The following DHRS12 variants were observed in gnomAD, a reference collection of about 807,000 sequenced individuals.
DHRS12 encodes dehydrogenase/reductase SDR family member 12.
A neutral mutation model predicts 32.1 loss-of-function variants in DHRS12; 29 were observed. The ratio of observed to expected loss-of-function variants is 0.90; its 90% CI spans 0.67 to 1.23. The LOEUF is 1.23. Ranked by LOEUF, DHRS12 falls within the 50% of genes most tolerant of loss-of-function variation. The pLI is 0.00. For missense variants in DHRS12, 330 were observed against 337.2 expected (o/e 0.98, Z 0.17); for synonymous variants, 150 against 135.9 (o/e 1.10, Z -0.72).
chr13:51,800,609 G>C (rs145638297), intron 1 of DHRS12, among the ~76,000 whole-genome samples: 7 of 152,232 alleles, frequency 4.6e-5, no homozygotes, highest in African/African-American at 1.2e-4. Flanking sequence ...CAGATGCTGA[G>C]AGCCCTCCCA....
intron 4 of DHRS12, chr13:51,777,333 C>T (rs1391016162): frequency 8.7e-6 from 5 of 575,230 alleles, no homozygotes; most frequent in African/African-American, 1.9e-5. Context: ...CCTCATGTAC[C>T]GACAGGAAAA....
intron 4 of DHRS12, among the ~76,000 whole-genome samples, chr13:51,787,732 ATATAAT>A (rs1462588548): frequency 1.6e-5 from 2 of 128,354 alleles, no homozygotes. Context: ...ACATATATAC[ATATAAT>A]TATATTATAT....
At chr13:51,763,128 T>A (rs1168796735), downstream of DHRS12, 8 of 152,188 alleles carry the variant, frequency 5.3e-5, no homozygotes, top group Non-Finnish European at 1.2e-4. Flanking sequence ...CAGTTAGATA[T>A]GGCTGAGATG....
chr13:51,796,987 G>A (rs1196443837), intron 2 of DHRS12, among the ~76,000 whole-genome samples: 1 of 152,186 alleles, frequency 6.6e-6, no homozygotes, highest in Admixed American at 6.5e-5. Context: ...GTCCATGCCT[G>A]AGGGTGGGTA....
chr13:51,784,328 A>C (rs1328651309), intron 4 of DHRS12, among the ~76,000 whole-genome samples: 1 of 152,232 alleles, frequency 6.6e-6, no homozygotes, highest in African/African-American at 2.4e-5. Context: ...GAATGTGTCC[A>C]GCAGAGTCAC....
At position 51,771,135 on chromosome 13, in the gene DHRS12, C is replaced by T; in HGVS notation, c.559+686G>A. 4.0e-6 allele frequency: 6 copies of T among 1,511,618 alleles called. No individual in the cohort carries two copies. The South Asian group carries it at 6.6e-5, about 17-fold the overall frequency. The allele number at this position is 1,511,618 out of a possible 1,614,324, so 93.6% of individuals were successfully genotyped here. A position where few individuals can be genotyped will look rare whatever the true frequency, so the allele number is the denominator to read the frequency against. On this transcript the variant is annotated intron_variant, in intron 7 of 8. Coordinates refer to ENST00000444610, the MANE Select transcript of DHRS12 (RefSeq NM_001377533.1). ...GTGATAATAGACAGTAGTGGCCACT[C>T]CACAGAGGCTTGAGGACAAATGCGT...
chr13:51,773,616 C>T (rs1954151143), intron 6 of DHRS12, among the ~76,000 whole-genome samples: 1 of 152,074 alleles, frequency 6.6e-6, no homozygotes, highest in Non-Finnish European at 1.5e-5. Flanking sequence ...AGGGACCGCT[C>T]GCCGTCCTCA....
intron 4 of DHRS12, among the ~76,000 whole-genome samples, chr13:51,785,001 G>A (rs1954887185): frequency 6.6e-6 from 1 of 152,238 alleles, no homozygotes; most frequent in Non-Finnish European, 1.5e-5. Context: ...GCCAAGGCAG[G>A]TGGATCACCT....
chr13:51,788,817 G>A (rs548648437), intron 4 of DHRS12, among the ~76,000 whole-genome samples: 1 of 151,952 alleles, frequency 6.6e-6, no homozygotes, highest in South Asian at 2.1e-4. Context: ...CCATGATCAC[G>A]TCACTGCACT....
the DHRS12 span, among the ~76,000 whole-genome samples, chr13:51,757,941 T>C: frequency 1.3e-5 from 2 of 152,114 alleles, no homozygotes; most frequent in African/African-American, 4.8e-5. Flanking sequence ...ACAGACACCA[T>C]TGGAGCAACA....
In DHRS12 at chr13:51,768,263, G is replaced by GC. The variant is rs1430762975; in HGVS notation, c.730dup (p.Ala244GlyfsTer15). 9 of 1,536,098 alleles carry GC rather than the reference G, an allele frequency of 5.9e-6. No individual in the cohort carries two copies. Among genetic ancestry groups the GC allele is most frequent in the Non-Finnish European group, 7.8e-6 (9 of 1,146,918 alleles). ...TTCGGCCGGTGAGGAGGACGCTGTA[G>GC]CGAGAGGCAAGTGTGTAGAAACTGG... On this transcript the variant is annotated frameshift_variant, in exon 9 of 9. Coordinates refer to ENST00000444610, the MANE Select transcript of DHRS12 (RefSeq NM_001377533.1). LOFTEE classifies it low-confidence loss of function (END_TRUNC).
chr13:51,802,064 C>T (rs1168799625), intron 1 of DHRS12, among the ~76,000 whole-genome samples: 1 of 152,080 alleles, frequency 6.6e-6, no homozygotes, highest in Non-Finnish European at 1.5e-5. Context: ...CATCCTGGTC[C>T]GATCTGTTGT....
At chr13:51,788,967 C>T (rs570897268) in intron 4 of DHRS12, among the ~76,000 whole-genome samples, 38 of 152,202 alleles carry the variant, frequency 2.5e-4, no homozygotes, top group East Asian at 9.7e-4. Flanking sequence ...GGGGAGTCCC[C>T]GGTGACCAGG....
the DHRS12 span, among the ~76,000 whole-genome samples, chr13:51,757,655 G>A: frequency 6.6e-6 from 1 of 151,450 alleles, no homozygotes; most frequent in Non-Finnish European, 1.5e-5. Context: ...AAAAAGTATA[G>A]GTAAAAAATA....
chr13:51,795,846 C>G (rs1249084866), intron 2 of DHRS12, among the ~76,000 whole-genome samples: 1 of 152,138 alleles, frequency 6.6e-6, no homozygotes, highest in Non-Finnish European at 1.5e-5. Context: ...GCTGAAGAAA[C>G]ACATACCTTG....
chr13:51,767,342 CAGAA>C (rs1378288111), downstream of DHRS12: 1 of 152,196 alleles, frequency 6.6e-6, no homozygotes, highest in Non-Finnish European at 1.5e-5. Flanking sequence ...CTCCTTTTGT[CAGAA>C]AGACGCTGAT....
rs188578071 is a variant in DHRS12, at chr13:51,789,779, A to G, written c.301+232T>C. On this transcript the variant is annotated intron_variant, in intron 4 of 8. Coordinates refer to ENST00000444610, the MANE Select transcript of DHRS12 (RefSeq NM_001377533.1). ...TATAAACAGCCTAGCGCTTCCTAGG[A>G]AAAAAAACACTTCAATACTAAGTAT... The G allele has an allele frequency of 4.9e-3, 4,855 of 985,226 alleles. 21 individuals are homozygous for G. Among genetic ancestry groups the G allele is most frequent in the Non-Finnish European group, 5.5e-3 (4,537 of 829,828 alleles). 61.0% of individuals were successfully genotyped at this position (985,226 alleles called of 1,614,324 possible).
the DHRS12 span, among the ~76,000 whole-genome samples, chr13:51,754,912 G>A: frequency 6.6e-6 from 1 of 152,064 alleles, no homozygotes; most frequent in South Asian, 2.1e-4. Context: ...TAATAAGCTG[G>A]TATTTGAGAA....
chr13:51,791,368 T>C, intron 2 of DHRS12, 111 bp from the exon 3 acceptor site: 1 of 603,918 alleles, frequency 1.7e-6, no homozygotes. Flanking sequence ...TGAAATGATA[T>C]AAAACGGAAA....
Sources: allele counts gnomAD v4.1 joint callset (sites outside exome capture counted in the v4.1 genomes callset), GRCh38; gene constraint gnomAD v4.1.1; transcripts MANE v1.5; gene names NCBI Gene and HGNC (gene_info 2026-07-23, HGNC 2026-07-21).